ADK: variants seen among roughly 807,000 people sequenced by gnomAD.
ADK encodes the protein N6,N6-dimethyladenosine kinase.
Under a neutral mutation model 44.7 loss-of-function variants are expected in ADK, and 24 were observed. The observed-to-expected ratio is 0.54, with a 90% CI of 0.39 to 0.76. The LOEUF is 0.76. ADK is among the 30% of genes least tolerant of loss of function. The pLI is 0.00. For missense variants in ADK, 321 were observed against 425.1 expected, an observed-to-expected ratio of 0.76 and a Z score of 2.15; for synonymous variants, 128 against 142.6, an observed-to-expected ratio of 0.90 and a Z score of 0.73.
intron 3 of ADK, among the ~76,000 whole-genome samples, chr10:74,266,150 A>G (rs1846204516): frequency 6.6e-6 from 1 of 152,200 alleles, no homozygotes; most frequent in African/African-American, 2.4e-5. Context: ...TCCAGCAGCA[A>G]AAGGAAGTAG....
At chr10:74,333,161 A>G (rs1350298987) in intron 4 of ADK, among the ~76,000 whole-genome samples, 2 of 152,206 alleles carry the variant, frequency 1.3e-5, no homozygotes, top group Non-Finnish European at 2.9e-5. Context: ...GCTATTTTAA[A>G]AGAAAAATGC....
Position 74,600,370 on chromosome 10 carries a change from T to C in ADK, c.763-9T>C, listed in dbSNP as rs780824505. 4.8e-5 allele frequency: 76 copies of C among 1,588,636 alleles called. No homozygotes were observed. Among genetic ancestry groups the C allele is most frequent in the Non-Finnish European group, 5.9e-5 (68 of 1,160,934 alleles). On this transcript the variant is annotated splice_polypyrimidine_tract_variant and intron_variant, in intron 8 of 10. Coordinates refer to ENST00000539909, the MANE Select transcript of ADK (RefSeq NM_006721.4). Reference sequence around the variant, plus strand: ...GTCATGAGAATTTTTTCCTTCCTTCTATTAATAGACTAAAGACATTAAAGA... The same window carrying C: ...GTCATGAGAATTTTTTCCTTCCTTCCATTAATAGACTAAAGACATTAAAGA...
intron 7 of ADK, among the ~76,000 whole-genome samples, chr10:74,574,006 G>A (rs1445466817): frequency 6.6e-6 from 1 of 152,094 alleles, no homozygotes; most frequent in Admixed American, 6.5e-5. Context: ...ACAGTGCGCT[G>A]CACCCACTGT....
chr10:74,212,083 T>TA (rs1192564827), intron 2 of ADK, among the ~76,000 whole-genome samples: 2 of 152,208 alleles, frequency 1.3e-5, no homozygotes, highest in Non-Finnish European at 2.9e-5. Flanking sequence ...TTTGAATCTT[T>TA]ATGTCATTTC....
intron 4 of ADK, among the ~76,000 whole-genome samples, chr10:74,349,463 C>T (rs1385081348): frequency 2.0e-5 from 3 of 152,080 alleles, no homozygotes; most frequent in African/African-American, 7.2e-5. Context: ...CACAAACACA[C>T]CAAAATATAA....
In ADK at chr10:74,324,995, A is replaced by G. The variant is rs1019052093; in HGVS notation, c.273+10250A>G. ...GCTATTTGGGATCTTTTGTGGTTCT[A>G]TATGAATTTTAGAATTTTTTTTCTA... is the stretch of plus-strand genomic sequence containing the variant. On this transcript the variant is annotated intron_variant, in intron 4 of 10. Transcript: ENST00000539909. Among the ~76,000 whole-genome samples the G allele has an allele frequency of 4.6e-5, 7 of 152,134 alleles. No homozygotes were observed. In the South Asian group the frequency reaches 1.5e-3, roughly 32 times the overall value.
intron 3 of ADK, among the ~76,000 whole-genome samples, chr10:74,287,288 C>T (rs375878382): frequency 9.9e-5 from 15 of 152,134 alleles, no homozygotes; most frequent in Admixed American, 5.2e-4. Context: ...CATGGTGAAA[C>T]CCCCTGTCTA....
rs183223817 is a variant in ADK at position 74,523,448 on chromosome 10, T to G, written c.556-1808T>G. On this transcript the variant is annotated intron_variant, in intron 6 of 10. Coordinates refer to ENST00000539909, the MANE Select transcript of ADK (RefSeq NM_006721.4). ...TTAGTTTCTCCACCATCACTTCTCC[T>G]CTCCTCATTTGGCCTCCTCTTGTTT... Among the ~76,000 whole-genome samples, 89 of 152,282 alleles carry G rather than the reference T, an allele frequency of 5.8e-4. No homozygotes were observed. The East Asian group carries it at 0.014, about 24-fold the overall frequency.
chr10:74,276,394 C>T (rs1266759084), intron 3 of ADK, among the ~76,000 whole-genome samples: 2 of 152,112 alleles, frequency 1.3e-5, no homozygotes, highest in East Asian at 1.9e-4. Context: ...CTTTCTGGGC[C>T]CCAACACTGG....
intron 6 of ADK, among the ~76,000 whole-genome samples, chr10:74,399,833 A>T (rs1053930208): frequency 2.0e-5 from 3 of 152,108 alleles, no homozygotes; most frequent in African/African-American, 7.2e-5. Flanking sequence ...AAGACAGTGT[A>T]TTCTGATGAA....
chr10:74,364,687 G>GGTGTGTGTGTGT (rs58295310), intron 4 of ADK, among the ~76,000 whole-genome samples: 27 of 136,462 alleles, frequency 2.0e-4, no homozygotes, highest in South Asian at 1.0e-3. Context: ...CAAAGGCTAT[G>GGTGTGTGTGTGT]GTGTGTGTGT....
chr10:74,437,269 T>A (rs1176896495), intron 6 of ADK, among the ~76,000 whole-genome samples: 1 of 152,198 alleles, frequency 6.6e-6, no homozygotes, highest in East Asian at 1.9e-4. Context: ...TTTATTGTCA[T>A]AGGTTTCTTA....
intron 7 of ADK, among the ~76,000 whole-genome samples, chr10:74,567,737 C>T (rs1254702061): frequency 1.1e-4 from 15 of 135,434 alleles, no homozygotes; most frequent in African/African-American, 3.6e-4. Context: ...CTCGCTCTGT[C>T]GCCCAGGCTG....
chr10:74,229,632 C>T (rs1467464310), intron 3 of ADK, among the ~76,000 whole-genome samples: 2 of 152,052 alleles, frequency 1.3e-5, no homozygotes, highest in Non-Finnish European at 2.9e-5. Flanking sequence ...CTCCTGACCT[C>T]GTGATCTGCC....
chr10:74,455,067 T>C (rs1845895726), intron 6 of ADK, among the ~76,000 whole-genome samples: 1 of 152,188 alleles, frequency 6.6e-6, no homozygotes, highest in Non-Finnish European at 1.5e-5. Flanking sequence ...CAAGGTGCTA[T>C]ATTTTGGGGT....
intron 6 of ADK, among the ~76,000 whole-genome samples, chr10:74,501,204 A>G (rs1449900040): frequency 6.6e-6 from 1 of 152,238 alleles, no homozygotes; most frequent in African/African-American, 2.4e-5. Context: ...AACTGGAGAA[A>G]AATCACTGTT....
At chr10:74,387,811 C>T (rs1206799494) in intron 4 of ADK, among the ~76,000 whole-genome samples, 1 of 152,184 alleles carries the variant, frequency 6.6e-6, no homozygotes, top group Non-Finnish European at 1.5e-5. Flanking sequence ...GAGCCCTTTC[C>T]TTCTTTGTAT....
chr10:74,593,322 C>T (rs768968820), intron 8 of ADK, among the ~76,000 whole-genome samples: 1 of 152,056 alleles, frequency 6.6e-6, no homozygotes, highest in Non-Finnish European at 1.5e-5. Context: ...CAAATATTTA[C>T]TGAGTTCTTA....
At chr10:74,154,342 C>T (rs921971076) in intron 1 of ADK, among the ~76,000 whole-genome samples, 6 of 152,162 alleles carry the variant, frequency 3.9e-5, no homozygotes, top group Non-Finnish European at 8.8e-5. Context: ...CATCTCGGCT[C>T]ACTGCAACCT....
Sources: gnomAD v4.1 joint callset for allele counts (sites outside exome capture counted in the v4.1 genomes callset) on GRCh38, gnomAD v4.1.1 for gene constraint, MANE v1.5 for transcripts, NCBI Gene and HGNC (gene_info 2026-07-23, HGNC 2026-07-21) for gene names.